Variants in SHISA9 observed in about 807,000 individuals in gnomAD.
SHISA9 encodes the protein protein shisa-9.
In SHISA9, 13 loss-of-function variants were observed where a neutral mutation model predicts 38.0. The ratio of observed to expected loss-of-function variants is 0.34; its 90% confidence interval spans 0.22 to 0.54. The LOEUF is 0.54. Ranked by LOEUF, SHISA9 falls within the 20% of genes least tolerant of loss-of-function variation. The pLI is 0.91. For missense variants in SHISA9, 538 were observed against 575.8 expected (o/e 0.93, Z 0.67); for synonymous variants, 275 against 242.0 (o/e 1.14, Z -1.27).
chr16:13,254,330 G>A, the SHISA9 span, among the ~76,000 whole-genome samples: 5 of 152,130 alleles, frequency 3.3e-5, no homozygotes, highest in African/African-American at 1.2e-4. Context: ...TCCATGTCCA[G>A]CCTTCACAGA....
At position 13,211,867 on chromosome 16, in the gene SHISA9, T is replaced by C. The variant is rs559786746; in HGVS notation, c.848-1386T>C. ...TGTTGGCTTGGTCAGCGTGTGGCCA[T>C]CCACACAGGAAGAATGGGGGTCGCA... is the stretch of plus-strand genomic sequence containing the variant. On this transcript the variant is annotated intron_variant, in intron 3 of 4. Transcript: ENST00000558583. Among the ~76,000 whole-genome samples the C allele has an allele frequency of 1.3e-3, 198 of 152,280 alleles. 1 individual carries two copies. The highest frequency in any genetic ancestry group is 4.6e-3 in the African/African-American group (192 of 41,560).
intron 2 of SHISA9, among the ~76,000 whole-genome samples, chr16:12,926,254 G>A (rs540704462): frequency 2.6e-5 from 4 of 151,886 alleles, no homozygotes; most frequent in Non-Finnish European, 5.9e-5. Context: ...TATACTGGGC[G>A]ATATACCAGA....
chr16:13,436,869 G>T, the SHISA9 span, among the ~76,000 whole-genome samples: 1 of 152,200 alleles, frequency 6.6e-6, no homozygotes, highest in Non-Finnish European at 1.5e-5. Context: ...ATGATTAAAA[G>T]CAAGCAAGGC....
the SHISA9 span, among the ~76,000 whole-genome samples, chr16:13,502,596 C>T: frequency 2.6e-5 from 4 of 152,160 alleles, no homozygotes; most frequent in East Asian, 1.9e-4. Context: ...AAAGACAGGC[C>T]GGGCGCGGTG....
chr16:13,356,912 T>C, the SHISA9 span, among the ~76,000 whole-genome samples: 1 of 152,140 alleles, frequency 6.6e-6, no homozygotes, highest in Non-Finnish European at 1.5e-5. Context: ...CGAGTTTGTA[T>C]TGGGGTCAAA....
At chr16:13,255,967 G>C in the SHISA9 span, among the ~76,000 whole-genome samples, 1 of 152,238 alleles carries the variant, frequency 6.6e-6, no homozygotes, top group Admixed American at 6.5e-5. Flanking sequence ...GTAGAATAAA[G>C]AGGTGTCATA....
In SHISA9 at chr16:13,148,718, C is replaced by CACACAT. The variant is rs1555465949; in HGVS notation, c.692-54675_692-54674insCACATA. 3.9e-3 allele frequency among the ~76,000 whole-genome samples: 586 copies of CACACAT among 150,028 alleles called. 7 individuals are homozygous for CACACAT. The highest frequency in any genetic ancestry group is 0.013 in the African/African-American group (539 of 40,524). ...ACACACACACACACACACACACACACATCATGACTATACCCTGCATATAGA... is the reference window on the plus strand; with the variant it reads ...ACACACACACACACACACACACACACACACATATCATGACTATACCCTGCATATAGA... On this transcript the variant is annotated intron_variant, in intron 2 of 4. Transcript: ENST00000558583.
At chr16:13,451,970 T>C in the SHISA9 span, among the ~76,000 whole-genome samples, 36 of 152,318 alleles carry the variant, frequency 2.4e-4, no homozygotes, top group African/African-American at 7.9e-4. Flanking sequence ...GAGACTGCTT[T>C]TGCAAAGAAG....
Position 12,923,349 on chromosome 16 carries a change from C to T in SHISA9, c.691+6534C>T, listed in dbSNP as rs372838819. Among the ~76,000 whole-genome samples the T allele has an allele frequency of 3.3e-5, 5 of 152,156 alleles. No homozygotes were observed. In the East Asian group the frequency reaches 5.8e-4, roughly 18 times the overall value. On this transcript the variant is annotated intron_variant, in intron 2 of 4. Transcript: ENST00000558583. ...TTTGAGACCAGTCTGGCCAATGTGG[C>T]GAAACCGTGTCCCTACAAAAACACA...
At chr16:13,507,627 G>A in the SHISA9 span, among the ~76,000 whole-genome samples, 1 of 152,140 alleles carries the variant, frequency 6.6e-6, no homozygotes, top group Non-Finnish European at 1.5e-5. Context: ...GCTGCAATTA[G>A]TGCCAAAACT....
chr16:13,205,939 T>G (rs1049179126), intron 3 of SHISA9, among the ~76,000 whole-genome samples: 5 of 151,680 alleles, frequency 3.3e-5, no homozygotes, highest in African/African-American at 1.2e-4. Context: ...TTTTTTTTTT[T>G]TTTTTTAAGT....
the SHISA9 span, among the ~76,000 whole-genome samples, chr16:13,531,165 G>A: frequency 1.3e-5 from 2 of 152,024 alleles, no homozygotes; most frequent in Admixed American, 6.5e-5. Context: ...AGTCAGCTGG[G>A]GTTGCAATTT....
At chr16:13,488,334 A>T in the SHISA9 span, among the ~76,000 whole-genome samples, 1 of 152,116 alleles carries the variant, frequency 6.6e-6, no homozygotes, top group Non-Finnish European at 1.5e-5. Flanking sequence ...ATTAATTATG[A>T]ACTGTTATTG....
At chr16:13,446,517 C>A in the SHISA9 span, among the ~76,000 whole-genome samples, 131 of 152,220 alleles carry the variant, frequency 8.6e-4, no homozygotes, top group Admixed American at 2.2e-3. Context: ...GAATTGCTTT[C>A]AATTGCTGCA....
At chr16:13,473,711 C>G in the SHISA9 span, among the ~76,000 whole-genome samples, 2 of 152,130 alleles carry the variant, frequency 1.3e-5, no homozygotes, top group Non-Finnish European at 2.9e-5. Flanking sequence ...TAATAAAACT[C>G]TTATATTGTT....
the SHISA9 span, among the ~76,000 whole-genome samples, chr16:13,483,539 A>T: frequency 6.6e-6 from 1 of 152,144 alleles, no homozygotes; most frequent in South Asian, 2.1e-4. Flanking sequence ...TAGCTTCCAT[A>T]GCCTTTTTCC....
chr16:13,169,040 C>T (rs906967210), intron 2 of SHISA9, among the ~76,000 whole-genome samples: 6 of 152,128 alleles, frequency 3.9e-5, no homozygotes, highest in African/African-American at 1.4e-4. Context: ...GTGGGAGCAG[C>T]TTTTGCTTTT....
At chr16:13,497,237 T>C in the SHISA9 span, among the ~76,000 whole-genome samples, 1 of 152,194 alleles carries the variant, frequency 6.6e-6, no homozygotes, top group Non-Finnish European at 1.5e-5. Flanking sequence ...AATGATTAAA[T>C]CTGTCTAACA....
At chr16:13,206,349 C>T (rs1300046838) in intron 3 of SHISA9, among the ~76,000 whole-genome samples, 1 of 152,196 alleles carries the variant, frequency 6.6e-6, no homozygotes, top group Non-Finnish European at 1.5e-5. Flanking sequence ...CACTGCCAAG[C>T]CCCTCATTGG....
Sources: allele counts gnomAD v4.1 joint callset (sites outside exome capture counted in the v4.1 genomes callset), GRCh38; gene constraint gnomAD v4.1.1; transcripts MANE v1.5; gene names NCBI Gene and HGNC (gene_info 2026-07-23, HGNC 2026-07-21).